The following TRAPPC12 variants were observed in gnomAD, a reference collection of about 807,000 sequenced individuals.
The protein encoded by TRAPPC12 is trafficking protein particle complex subunit 12.
Under a neutral mutation model 69.2 loss-of-function variants are expected in TRAPPC12, and 61 were observed. The observed-to-expected ratio is 0.88, with a 90% CI of 0.72 to 1.09. The LOEUF is 1.09. Among genes scored for constraint, TRAPPC12 ranks in the 50% least tolerant of loss-of-function variants. The pLI, the probability that TRAPPC12 is intolerant of heterozygous loss-of-function variation, is 0.00. For missense variants in TRAPPC12, 1,101 were observed against 1,016.4 expected, an observed-to-expected ratio of 1.08 and a Z score of -1.13; for synonymous variants, 469 against 438.9, an observed-to-expected ratio of 1.07 and a Z score of -0.86.
chr2:3,383,160 G>A (rs1007399524), intron 1 of TRAPPC12, among the ~76,000 whole-genome samples: 8 of 151,978 alleles, frequency 5.3e-5, no homozygotes, highest in Non-Finnish European at 1.2e-4. Flanking sequence ...TTAATTTGTA[G>A]GGATTCTTTA....
In TRAPPC12 at chr2:3,381,439, CAATT is replaced by C. The variant is rs559189668; in HGVS notation, c.-5+1571_-5+1574del. 1.0e-3 allele frequency among the ~76,000 whole-genome samples: 152 copies of C among 152,176 alleles called. 2 individuals are homozygous for C. The highest frequency in any genetic ancestry group is 1.3e-3 in the Non-Finnish European group (85 of 68,000). On this transcript the variant is annotated intron_variant, in intron 1 of 11. Coordinates refer to ENST00000324266, the MANE Select transcript of TRAPPC12 (RefSeq NM_016030.6). ...ATTTAATATTTAAAAAAATTTTAAACAATTAATTAATCACATTCTTGTGCAAAGC... is the reference window on the plus strand; with the variant it reads ...ATTTAATATTTAAAAAAATTTTAAACAATTAATCACATTCTTGTGCAAAGC...
intron 10 of TRAPPC12, 100 bp downstream of exon 10, chr2:3,477,895 C>A: frequency 3.1e-6 from 2 of 645,270 alleles, no homozygotes; most frequent in Non-Finnish European, 2.6e-6. Context: ...GGCGCTTCTC[C>A]CTGTATCTCC....
chr2:3,387,037 A>C (rs1660526588), intron 1 of TRAPPC12, among the ~76,000 whole-genome samples: 1 of 152,236 alleles, frequency 6.6e-6, no homozygotes, highest in African/African-American at 2.4e-5. Flanking sequence ...GTATTTACCC[A>C]AAATGATTGA....
intron 5 of TRAPPC12, among the ~76,000 whole-genome samples, chr2:3,431,593 AT>A (rs11368277): frequency 0.019 from 2,859 of 147,962 alleles, 116 homozygotes; most frequent in East Asian, 0.18. Context: ...TTTCTTTTAG[AT>A]TTTTTTTTTT....
chr2:3,463,332 T>C (rs542909817), intron 8 of TRAPPC12, among the ~76,000 whole-genome samples: 17 of 151,978 alleles, frequency 1.1e-4, no homozygotes, highest in Admixed American at 1.0e-3. Flanking sequence ...ACACGTGTCA[T>C]GTTCACACCT....
At chr2:3,411,328 G>A (rs1572115951) in intron 3 of TRAPPC12, among the ~76,000 whole-genome samples, 2 of 152,296 alleles carry the variant, frequency 1.3e-5, no homozygotes, top group East Asian at 3.9e-4. Context: ...CATGCACACG[G>A]TTGATTTCTG....
intron 8 of TRAPPC12, among the ~76,000 whole-genome samples, chr2:3,464,889 G>A (rs1210906803): frequency 1.3e-5 from 2 of 152,246 alleles, no homozygotes; most frequent in Admixed American, 6.5e-5. Context: ...GAGGGGCCAC[G>A]GGCCAGACCA....
chr2:3,413,417 G>A (rs1261815008), intron 3 of TRAPPC12, among the ~76,000 whole-genome samples: 1 of 152,148 alleles, frequency 6.6e-6, no homozygotes, highest in African/African-American at 2.4e-5. Flanking sequence ...AGTGTCATTC[G>A]GCCAGTTCCG....
At chr2:3,451,206 C>T (rs1664832455) in intron 6 of TRAPPC12, among the ~76,000 whole-genome samples, 1 of 152,204 alleles carries the variant, frequency 6.6e-6, no homozygotes, top group Non-Finnish European at 1.5e-5. Flanking sequence ...AATAATTGAT[C>T]TTCCCTCCCA....
At chr2:3,473,449 T>C (rs917642459) in intron 9 of TRAPPC12, among the ~76,000 whole-genome samples, 2 of 152,152 alleles carry the variant, frequency 1.3e-5, no homozygotes, top group African/African-American at 4.8e-5. Flanking sequence ...AAGTTTTCCG[T>C]GTTGGTTTTT....
intron 8 of TRAPPC12, chr2:3,463,187 GTAAA>G (rs1157872083): frequency 3.4e-6 from 1 of 294,536 alleles, no homozygotes; most frequent in Admixed American, 5.0e-5. Flanking sequence ...TTCCTCTTCA[GTAAA>G]TAAAGTCATT....
intron 5 of TRAPPC12, among the ~76,000 whole-genome samples, chr2:3,435,216 G>T (rs1311947893): frequency 6.6e-6 from 1 of 152,106 alleles, no homozygotes; most frequent in Non-Finnish European, 1.5e-5. Flanking sequence ...TTTTCGCCAT[G>T]TTGGCCAGGC....
intron 2 of TRAPPC12, among the ~76,000 whole-genome samples, chr2:3,390,015 G>A (rs1403471396): frequency 1.3e-5 from 2 of 152,136 alleles, no homozygotes; most frequent in African/African-American, 2.4e-5. Flanking sequence ...GTTGGGGAAG[G>A]GTAGGTATAT....
At chr2:3,382,345 G>A (rs970685876) in intron 1 of TRAPPC12, among the ~76,000 whole-genome samples, 1 of 152,012 alleles carries the variant, frequency 6.6e-6, no homozygotes, top group African/African-American at 2.4e-5. Flanking sequence ...ATGTTAGCCG[G>A]TATGGTCTTG....
In TRAPPC12 at chr2:3,394,793, C is replaced by A. The variant is rs138238654; in HGVS notation, c.1047+6123C>A. Among the ~76,000 whole-genome samples the A allele has an allele frequency of 1.1e-3, 170 of 151,988 alleles. 2 individuals are homozygous for A. The highest frequency in any genetic ancestry group is 3.9e-3 in the African/African-American group (162 of 41,398). On this transcript the variant is annotated intron_variant, in intron 2 of 11. Coordinates refer to ENST00000324266, the MANE Select transcript of TRAPPC12 (RefSeq NM_016030.6). ...TGCTGCGTATGTAAGAATTATCCAG[C>A]TTGTAAGTAGGTTCGAAACCCATTT...
intron 2 of TRAPPC12, among the ~76,000 whole-genome samples, chr2:3,389,995 G>A (rs1306926650): frequency 6.6e-6 from 1 of 152,128 alleles, no homozygotes; most frequent in African/African-American, 2.4e-5. Flanking sequence ...CACGACAGTG[G>A]AAAAAACCAG....
intron 1 of TRAPPC12, among the ~76,000 whole-genome samples, chr2:3,386,555 T>C (rs1358922967): frequency 1.3e-5 from 2 of 152,186 alleles, no homozygotes; most frequent in Non-Finnish European, 2.9e-5. Context: ...GCCAGGGGCA[T>C]AGTATGTGCG....
intron 6 of TRAPPC12, among the ~76,000 whole-genome samples, chr2:3,447,305 C>G (rs1389102025): frequency 6.6e-6 from 1 of 152,156 alleles, no homozygotes; most frequent in African/African-American, 2.4e-5. Flanking sequence ...ACCATGGTGG[C>G]CAGGCTAGCC....
At chr2:3,427,193 A>C (rs1405946832) in intron 5 of TRAPPC12, among the ~76,000 whole-genome samples, 1 of 152,180 alleles carries the variant, frequency 6.6e-6, no homozygotes, top group Non-Finnish European at 1.5e-5. Context: ...ATCCCAGCAT[A>C]AATAAAACCA....
Sources: gnomAD v4.1 joint callset for allele counts (sites outside exome capture counted in the v4.1 genomes callset) on GRCh38, gnomAD v4.1.1 for gene constraint, MANE v1.5 for transcripts, NCBI Gene and HGNC (gene_info 2026-07-23, HGNC 2026-07-21) for gene names.